NCOR1: variants seen among roughly 807,000 people sequenced by gnomAD.
NCOR1 encodes the protein nuclear receptor corepressor 1, also known as protein phosphatase 1, regulatory subunit 109.
Under a neutral mutation model 288.1 loss-of-function variants are expected in NCOR1, and 63 were observed. That is an observed-to-expected ratio of 0.22 (90% CI 0.18 to 0.27). The LOEUF (loss-of-function observed/expected upper bound fraction) is 0.27, where lower values mean the gene tolerates loss of function less well. Among genes scored for constraint, NCOR1 ranks in the 10% least tolerant of loss-of-function variants. The pLI is 1.00. For missense variants in NCOR1, 2,397 were observed against 3,019.2 expected (o/e 0.79, Z 4.83); for synonymous variants, 1,007 against 1,065.9 (o/e 0.94, Z 1.08).
chr17:16,192,731 A>G (rs2153551613), intron 2 of NCOR1, among the ~76,000 whole-genome samples: 1 of 152,322 alleles, frequency 6.6e-6, no homozygotes, highest in East Asian at 1.9e-4. Flanking sequence ...AAAATGAGGC[A>G]ATACTTCCTT....
At chr17:16,159,109 CAT>C (rs2080299964) in intron 5 of NCOR1, among the ~76,000 whole-genome samples, 4 of 151,682 alleles carry the variant, frequency 2.6e-5, no homozygotes, top group Admixed American at 1.3e-4. Flanking sequence ...TAAGAGGAAG[CAT>C]CCTTTAAGAT....
intron 18 of NCOR1, among the ~76,000 whole-genome samples, chr17:16,113,441 T>G (rs1050228862): frequency 6.6e-6 from 1 of 152,176 alleles, no homozygotes; most frequent in East Asian, 1.9e-4. Context: ...CACACAGATA[T>G]GTCGTTGGAA....
rs547078036 is a variant in NCOR1 at position 16,075,804 on chromosome 17, T to C, written c.3502-102A>G. On this transcript the variant is annotated intron_variant, in intron 26 of 45. Coordinates refer to ENST00000268712, the MANE Select transcript of NCOR1 (RefSeq NM_006311.4). ...CCTATGACAGAGTCAGGCTAATCTA[T>C]AGCTTCAAAGAAGAAAGCACACATA... 1.1e-4 allele frequency: 136 copies of C among 1,286,820 alleles called. 1 individual carries two copies. The highest frequency in any genetic ancestry group is 2.4e-4 in the East Asian group (10 of 42,062). 79.7% of individuals were successfully genotyped at this position (1,286,820 alleles called of 1,614,324 possible).
chr17:16,164,944 T>C (rs1310598034), intron 5 of NCOR1, 35 bp downstream of exon 5: 3 of 1,413,172 alleles, frequency 2.1e-6, no homozygotes, highest in Admixed American at 2.5e-5. Flanking sequence ...GAGACAAACA[T>C]ACATTCTTAG....
intron 26 of NCOR1, among the ~76,000 whole-genome samples, chr17:16,078,558 A>G (rs1244919955): frequency 6.7e-6 from 1 of 149,242 alleles, no homozygotes; most frequent in Non-Finnish European, 1.5e-5. Flanking sequence ...ACAGAAACAC[A>G]CTGACCCAAT....
chr17:16,193,305 A>C (rs1353167755), intron 2 of NCOR1, among the ~76,000 whole-genome samples: 1 of 152,102 alleles, frequency 6.6e-6, no homozygotes, highest in Non-Finnish European at 1.5e-5. Context: ...ATTTTGGCTC[A>C]CTGCAACCTC....
chr17:16,032,317 G>C lies in NCOR1; in HGVS notation c.7302C>G (p.Thr2434=), dbSNP rs373779692. 9.3e-6 allele frequency: 15 copies of C among 1,613,240 alleles called. No homozygotes were observed. Among genetic ancestry groups the C allele is most frequent in the Non-Finnish European group, 1.2e-5 (14 of 1,179,756 alleles). Reference sequence around the variant, plus strand: ...CAGTTCAGTCATCACTATCCGACAGGGTCTCGTACTGTGCTGAGAGCAGTG... The same window carrying C: ...CAGTTCAGTCATCACTATCCGACAGCGTCTCGTACTGTGCTGAGAGCAGTG... The part of the protein sequence containing the change: ...PAPLLSAQYE[T]LSDSDD Residue 2434 remains threonine (T), a synonymous_variant, in exon 46 of 46, where the codon ACC becomes ACG. Transcript: ENST00000268712.
chr17:16,105,776 G>A (rs969564921), intron 19 of NCOR1, among the ~76,000 whole-genome samples: 6 of 152,066 alleles, frequency 3.9e-5, no homozygotes, highest in African/African-American at 1.4e-4. Context: ...TAATTCAGAA[G>A]AGTACCTCAC....
At chr17:16,153,819 T>C (rs1261304999) in intron 6 of NCOR1, among the ~76,000 whole-genome samples, 1 of 152,028 alleles carries the variant, frequency 6.6e-6, no homozygotes, top group Admixed American at 6.6e-5. Flanking sequence ...AGCAATAAAA[T>C]ACCATAAAAT....
intron 2 of NCOR1, among the ~76,000 whole-genome samples, chr17:16,193,291 C>T (rs1328974328): frequency 6.6e-6 from 1 of 151,928 alleles, no homozygotes; most frequent in African/African-American, 2.4e-5. Context: ...AGTGCAACGG[C>T]GCAATTTTGG....
In NCOR1 at chr17:16,079,888, T is replaced by C. The variant is rs1057337554; in HGVS notation, c.3501+76A>G. 14 of 1,299,884 alleles carry C rather than the reference T, an allele frequency of 1.1e-5. No individual in the cohort carries two copies. The African/African-American group carries it at 1.5e-4, about 14-fold the overall frequency. 80.5% of individuals were successfully genotyped at this position (1,299,884 alleles called of 1,614,324 possible). ...AGAAAAATGAACTTAAGCCACAAAA[T>C]AGCCAAAGTGCTAAGAATTATTTAT... On this transcript the variant is annotated intron_variant, in intron 26 of 45. Transcript: ENST00000268712.
intron 15 of NCOR1, among the ~76,000 whole-genome samples, chr17:16,124,162 T>TA (rs1419209247): frequency 1.3e-5 from 2 of 152,220 alleles, no homozygotes; most frequent in Non-Finnish European, 2.9e-5. Flanking sequence ...GGCAAGTGAC[T>TA]AGCTACTTTA....
intron 14 of NCOR1, among the ~76,000 whole-genome samples, chr17:16,135,180 A>C (rs1163026166): frequency 1.3e-5 from 2 of 151,642 alleles, no homozygotes; most frequent in Non-Finnish European, 2.9e-5. Flanking sequence ...AAAAAAAAAA[A>C]AACTGTAGCT....
Position 16,183,177 on chromosome 17 carries a change from G to A in NCOR1, c.242+3377C>T, listed in dbSNP as rs532267302. 3.8e-3 allele frequency among the ~76,000 whole-genome samples: 555 copies of A among 146,264 alleles called. 1 individual carries two copies. Among genetic ancestry groups the A allele is most frequent in the South Asian group, 6.0e-3 (28 of 4,652 alleles). On this transcript the variant is annotated intron_variant, in intron 3 of 45. Transcript: ENST00000268712. The stretch of plus-strand genomic sequence containing the variant: ...TAGTACTATGTTGATTAGAAGCAGT[G>A]GCAAACACTTCTAATCAACATAGTA...
Position 16,085,972 on chromosome 17 carries a change from T to C in NCOR1, c.3177+310A>G, listed in dbSNP as rs75720341. ...TGTTAGTGAACAAATATTCTACTGT[T>C]TGAAACTAAGTTTAAAACTTGGTAA... On this transcript the variant is annotated intron_variant, in intron 23 of 45. Coordinates refer to ENST00000268712, the MANE Select transcript of NCOR1 (RefSeq NM_006311.4). 3.5e-3 allele frequency among the ~76,000 whole-genome samples: 536 copies of C among 152,346 alleles called. 8 individuals are homozygous for C. Among genetic ancestry groups the C allele is most frequent in the African/African-American group, 0.012 (496 of 41,578 alleles).
chr17:16,065,150 T>C, intron 33 of NCOR1, 131 bp from the exon 34 acceptor site: 1 of 859,602 alleles, frequency 1.2e-6, no homozygotes, highest in Non-Finnish European at 1.8e-6. Context: ...ATGTTTACTA[T>C]CATCATTACT....
intron 37 of NCOR1, among the ~76,000 whole-genome samples, chr17:16,059,768 T>C (rs2060346514): frequency 6.6e-6 from 1 of 152,160 alleles, no homozygotes; most frequent in African/African-American, 2.4e-5. Context: ...CAGGTGGGAA[T>C]GAACTCTGCT....
intron 19 of NCOR1, 50 bp downstream of exon 19, chr17:16,108,736 A>G (rs1289432396): frequency 6.6e-7 from 1 of 1,513,266 alleles, no homozygotes; most frequent in East Asian, 2.3e-5. Flanking sequence ...ACTAAAAATT[A>G]TTTATTCTGG....
At position 16,194,604 on chromosome 17, in the gene NCOR1, C is replaced by T. The variant is rs771506686; in HGVS notation, c.-35G>A. 7.7e-7 allele frequency: 1 copy of T among 1,298,574 alleles called. No individual in the cohort carries two copies. 80.4% of individuals were successfully genotyped at this position (1,298,574 alleles called of 1,614,324 possible). A position where few individuals can be genotyped will look rare whatever the true frequency, so the allele number is the denominator to read the frequency against. On this transcript the variant is annotated 5_prime_UTR_variant, in exon 2 of 46. An upstream open reading frame in the 5' UTR loses its in-frame stop. Transcript: ENST00000268712. Reference sequence around the variant, plus strand: ...AGAAGTCCTCACCAGACTGTGAGATCAATGCCAATAAACAATCATGTTTCT... The same window carrying T: ...AGAAGTCCTCACCAGACTGTGAGATTAATGCCAATAAACAATCATGTTTCT...
Sources: gnomAD v4.1 joint callset for allele counts (sites outside exome capture counted in the v4.1 genomes callset) on GRCh38, gnomAD v4.1.1 for gene constraint, MANE v1.5 for transcripts, NCBI Gene and HGNC (gene_info 2026-07-23, HGNC 2026-07-21) for gene names.